Variants in AHNAK observed in about 807,000 individuals in gnomAD.
AHNAK encodes the protein AHNAK nucleoprotein.
In AHNAK, 23 loss-of-function variants were observed where a neutral mutation model predicts 37.8. The observed-to-expected ratio is 0.61, with a 90% CI of 0.44 to 0.86. The LOEUF is 0.86. Ranked by LOEUF, AHNAK falls within the 40% of genes least tolerant of loss-of-function variation. The probability of loss-of-function intolerance (pLI) is 0.00; values close to 1 mark genes in which losing one functional copy is unlikely to be tolerated. For missense variants in AHNAK, 7,411 were observed against 7,319.4 expected (o/e 1.01, Z -0.46); for synonymous variants, 2,481 against 2,636.3 (o/e 0.94, Z 1.80).
intron 5 of AHNAK, among the ~76,000 whole-genome samples, chr11:62,445,624 G>A (rs1938408051): frequency 6.6e-6 from 1 of 152,020 alleles, no homozygotes; most frequent in South Asian, 2.1e-4. Flanking sequence ...GAGGCTGAAT[G>A]GGGAGGATCA....
chr11:62,510,539 T>C (rs1939891032), intron 4 of AHNAK, among the ~76,000 whole-genome samples: 1 of 151,244 alleles, frequency 6.6e-6, no homozygotes, highest in Middle Eastern at 3.5e-3. Context: ...AGGTCAGGAG[T>C]TCGAGTCCAG....
At chr11:62,499,660 T>C (rs912859872) in intron 4 of AHNAK, among the ~76,000 whole-genome samples, 5 of 152,164 alleles carry the variant, frequency 3.3e-5, no homozygotes, top group African/African-American at 1.2e-4. Context: ...GGGAAAGGGG[T>C]GTGGCCGAGT....
Position 62,519,764 on chromosome 11 carries a change from G to C in AHNAK, c.14653C>G (p.Leu4885Val). Residue 4885 changes from leucine (L) to valine (V), a missense_variant, in exon 5 of 5, where the codon CTT (leucine) becomes GTT (valine). By Grantham distance (32) the Leu-to-Val change is conservative (BLOSUM62 1). Transcript: ENST00000378024. ...EGTLKGPEVD[L>V]KGPRLDFEGP... ...TCGAAATCCAGACGTGGACCTTTAA[G>C]ATCTACTTCTGGGCCTTTCAAAGTC... is the stretch of plus-strand genomic sequence containing the variant. 2 of 1,613,086 alleles carry C rather than the reference G, an allele frequency of 1.2e-6. No individual in the cohort carries two copies. Among genetic ancestry groups the C allele is most frequent in the Non-Finnish European group, 1.7e-6 (2 of 1,179,484 alleles).
chr11:62,501,305 A>G (rs974771298), intron 4 of AHNAK, among the ~76,000 whole-genome samples: 2 of 152,192 alleles, frequency 1.3e-5, no homozygotes, highest in Non-Finnish European at 2.9e-5. Context: ...ACGGTGGCTC[A>G]CGCCTGTAAT....
At chr11:62,514,900 T>C (rs1939979990), downstream of AHNAK, among the ~76,000 whole-genome samples, 1 of 152,126 alleles carries the variant, frequency 6.6e-6, no homozygotes, top group South Asian at 2.1e-4. Context: ...ACTGACAAGC[T>C]GGTACTAAAC....
At chr11:62,513,274 C>T (rs937085112), downstream of AHNAK, among the ~76,000 whole-genome samples, 2 of 152,128 alleles carry the variant, frequency 1.3e-5, no homozygotes, top group African/African-American at 4.8e-5. Context: ...CCATGGCTCA[C>T]GCCTGTAATC....
chr11:62,526,123 T>A lies in AHNAK; in HGVS notation c.8294A>T (p.Lys2765Met). The part of the protein sequence containing the change: ...VDVHGPDWHL[K>M]MPKIKMPKIS... ...CTTGGGCATTTTTATCTTGGGCATC[T>A]TTAGGTGCCAGTCTGGGCCATGAAC... Residue 2765 changes from lysine (K) to methionine (M), a missense_variant, in exon 5 of 5, where the codon AAG becomes ATG. Coordinates refer to ENST00000378024, the MANE Select transcript of AHNAK (RefSeq NM_001620.3). The A allele has an allele frequency of 2.5e-6, 4 of 1,613,626 alleles. No homozygotes were observed. The highest frequency in any genetic ancestry group is 3.4e-6 in the Non-Finnish European group (4 of 1,179,922).
intron 5 of AHNAK, among the ~76,000 whole-genome samples, chr11:62,469,820 G>T (rs1295610696): frequency 6.6e-6 from 1 of 152,136 alleles, no homozygotes; most frequent in African/African-American, 2.4e-5. Context: ...ATTCCACCAG[G>T]GGGAGAGGTG....
In AHNAK at chr11:62,519,866, T is replaced by C; in HGVS notation, c.14551A>G (p.Ile4851Val). Residue 4851 changes from isoleucine (I) to valine (V), a missense_variant, in exon 5 of 5, where the codon ATA (isoleucine) becomes GTA (valine). Physicochemically the swap from Ile to Val is conservative, Grantham distance 29. Coordinates refer to ENST00000378024, the MANE Select transcript of AHNAK (RefSeq NM_001620.3). Reference protein sequence around the residue: ...EINIKAPKISIPDVDLDLKGP... With the variant: ...EINIKAPKISVPDVDLDLKGP... ...TTCAAATCCAGGTCAACATCAGGTATGGAGATCTTGGGAGCTTTGATATTT... is the reference window on the plus strand; with the variant it reads ...TTCAAATCCAGGTCAACATCAGGTACGGAGATCTTGGGAGCTTTGATATTT... The C allele has an allele frequency of 1.2e-6, 2 of 1,614,160 alleles. No homozygotes were observed. Among genetic ancestry groups the C allele is most frequent in the Non-Finnish European group, 1.7e-6 (2 of 1,180,018 alleles).
intron 5 of AHNAK, among the ~76,000 whole-genome samples, chr11:62,460,122 G>GAA (rs1234181041): frequency 2.0e-5 from 2 of 98,816 alleles, no homozygotes; most frequent in Non-Finnish European, 4.3e-5. Context: ...CCGTCTCAAA[G>GAA]AAAAAAAAAA....
chr11:62,527,392 T>G lies in AHNAK; in HGVS notation c.7025A>C (p.Lys2342Thr). ...VSAPKLEGEL[K>T]GPELDVKGPK... ...ACCTTTGACATCCAATTCTGGACCT[T>G]TTAACTCTCCCTCCAGCTTTGGGGC... The change falls in exon 5 of 5, where the codon AAA (lysine) becomes ACA (threonine). Residue 2342 changes from lysine (K) to threonine (T), a missense_variant. Transcript: ENST00000378024. The G allele has an allele frequency of 6.2e-7, 1 of 1,614,196 alleles. No homozygotes were observed. The highest frequency in any genetic ancestry group is 8.5e-7 in the Non-Finnish European group (1 of 1,180,018).
Position 62,528,383 on chromosome 11 carries a change from G to A in AHNAK, c.6034C>T (p.Pro2012Ser), listed in dbSNP as rs1940587875. Residue 2012 changes from proline (P) to serine (S), a missense_variant, in exon 5 of 5, where the codon CCC becomes TCC. Transcript: ENST00000378024. ...ACTTTCATTTCACCTTCTACCTTGG[G>A]CACAGACACATCCATATCCCCTTTG... is the stretch of plus-strand genomic sequence containing the variant. ...KVKGDMDVSV[P>S]KVEGEMKVPD... The A allele has an allele frequency of 5.0e-6, 8 of 1,612,732 alleles. No homozygotes were observed. In the Middle Eastern group the frequency reaches 4.9e-4, roughly 100 times the overall value.
intron 5 of AHNAK, among the ~76,000 whole-genome samples, chr11:62,476,542 A>G (rs1420146866): frequency 6.6e-6 from 1 of 152,200 alleles, no homozygotes; most frequent in Non-Finnish European, 1.5e-5. Context: ...CAACATGGAC[A>G]TTGGACGGTC....
chr11:62,531,370 G>T lies in AHNAK; in HGVS notation c.3047C>A (p.Pro1016Gln). ...FSMPSLKGEG[P>Q]EFDVNLSKAN... ...TTTGGACAGGTTCACATCAAATTCT[G>T]GCCCCTCTCCTTTGAGGCTGGGCAT... Residue 1016 changes from proline (P) to glutamine (Q), a missense_variant, in exon 5 of 5, where the codon CCA becomes CAA. Transcript: ENST00000378024. The T allele has an allele frequency of 6.2e-7, 1 of 1,613,830 alleles. No homozygotes were observed. The highest frequency in any genetic ancestry group is 8.5e-7 in the Non-Finnish European group (1 of 1,179,972).
chr11:62,460,699 G>A (rs563638135), intron 5 of AHNAK, among the ~76,000 whole-genome samples: 3 of 152,272 alleles, frequency 2.0e-5, no homozygotes, highest in Admixed American at 1.3e-4. Context: ...TAAGGATGGT[G>A]GAATCAACTG....
Position 62,532,892 on chromosome 11 carries a change from G to C in AHNAK, c.1525C>G (p.Leu509Val), listed in dbSNP as rs1013597829. The change falls in exon 5 of 5, where the codon CTT becomes GTT. Residue 509 changes from leucine (L) to valine (V), a missense_variant. Physicochemically the swap from Leu to Val is conservative, Grantham distance 32. Transcript: ENST00000378024. ...TCTCCTTTCAGTTTAGGAGACCCAA[G>C]GCTCAGATCCACATCCTGCATGGAG... ...KISMQDVDLS[L>V]GSPKLKGDIK... 2 of 1,614,022 alleles carry C rather than the reference G, an allele frequency of 1.2e-6. No individual in the cohort carries two copies. Among genetic ancestry groups the C allele is most frequent in the Non-Finnish European group, 1.7e-6 (2 of 1,180,006 alleles).
At chr11:62,488,819 G>A (rs1939444729) in intron 5 of AHNAK, among the ~76,000 whole-genome samples, 1 of 152,134 alleles carries the variant, frequency 6.6e-6, no homozygotes, top group Non-Finnish European at 1.5e-5. Flanking sequence ...AAACAGGGAT[G>A]CCTGGGCAGC....
At chr11:62,458,041 G>C (rs764052877) in intron 5 of AHNAK, among the ~76,000 whole-genome samples, 1 of 151,480 alleles carries the variant, frequency 6.6e-6, no homozygotes, top group Non-Finnish European at 1.5e-5. Flanking sequence ...AGCCTCCCGA[G>C]TAGCTGGGAT....
At chr11:62,445,806 T>C (rs966371203) in intron 5 of AHNAK, among the ~76,000 whole-genome samples, 2 of 151,682 alleles carry the variant, frequency 1.3e-5, no homozygotes, top group Non-Finnish European at 2.9e-5. Context: ...CACCTGAGGT[T>C]AGGAGTTCCC....
Sources: gnomAD v4.1 joint callset for allele counts (sites outside exome capture counted in the v4.1 genomes callset) on GRCh38, gnomAD v4.1.1 for gene constraint, MANE v1.5 for transcripts, NCBI Gene and HGNC (gene_info 2026-07-23, HGNC 2026-07-21) for gene names.